ZFHX3: variants seen among roughly 807,000 people sequenced by gnomAD.
ZFHX3 encodes the protein zinc finger homeobox protein 3.
Under a neutral mutation model 279.1 loss-of-function variants are expected in ZFHX3, and 42 were observed. The observed-to-expected ratio is 0.15, with a 90% CI of 0.12 to 0.19. ZFHX3 has a LOEUF of 0.19. Among genes scored for constraint, ZFHX3 ranks in the 10% least tolerant of loss-of-function variants. The probability of loss-of-function intolerance (pLI) is 1.00; values close to 1 mark genes in which losing one functional copy is unlikely to be tolerated. For synonymous variants in ZFHX3, 2,293 were observed against 1,957.8 expected, an observed-to-expected ratio of 1.17 and a Z score of -4.52; for missense variants, 4,981 against 4,754.0, an observed-to-expected ratio of 1.05 and a Z score of -1.40.
At chr16:73,508,066 C>T (rs914042678) in intron 2 of ZFHX3, among the ~76,000 whole-genome samples, 2 of 152,140 alleles carry the variant, frequency 1.3e-5, no homozygotes, top group Non-Finnish European at 2.9e-5. Context: ...CTCATTGATC[C>T]TATTAGCAAA....
intron 3 of ZFHX3, among the ~76,000 whole-genome samples, chr16:72,948,256 G>A (rs973047925): frequency 1.3e-5 from 2 of 152,164 alleles, no homozygotes; most frequent in African/African-American, 2.4e-5. Flanking sequence ...TGGTCACTCC[G>A]GGGATGTGCC....
In ZFHX3 at chr16:72,959,995, C is replaced by A. The variant is rs376506658; in HGVS notation, c.151G>T (p.Asp51Tyr). The A allele has an allele frequency of 4.9e-5, 79 of 1,613,764 alleles. No individual in the cohort carries two copies. In the South Asian group the frequency reaches 8.6e-4, roughly 17 times the overall value. ...TCATTGAAGGGGGCCCTCAGGCTGT[C>A]CAAGGGCCCGTGGCTCTCGCCTGTG... ...QSTGESHGPL[D>Y]SLRAPFNERL... is the part of the protein sequence containing the mutation. Residue 51 changes from aspartate to tyrosine, a missense_variant, in exon 2 of 10, where the codon GAC becomes TAC. Coordinates refer to ENST00000268489, the MANE Select transcript of ZFHX3 (RefSeq NM_006885.4).
At chr16:73,329,129 T>C (rs2143220298) in intron 3 of ZFHX3, among the ~76,000 whole-genome samples, 1 of 152,376 alleles carries the variant, frequency 6.6e-6, no homozygotes, top group Middle Eastern at 3.4e-3. Context: ...AAACAAAACC[T>C]TTCCAAAGGG....
At chr16:73,244,916 C>T (rs1333384206) in intron 5 of ZFHX3, among the ~76,000 whole-genome samples, 1 of 152,124 alleles carries the variant, frequency 6.6e-6, no homozygotes, top group Non-Finnish European at 1.5e-5. Flanking sequence ...GTTCACTCCC[C>T]AGAGTACCTG....
chr16:73,014,302 ATT>A (rs111944167), intron 1 of ZFHX3: 142 of 140,838 alleles, frequency 1.0e-3, no homozygotes, highest in Non-Finnish European at 1.1e-3. Flanking sequence ...GGTTTTTTGC[ATT>A]TTTTTTTTTT....
At chr16:73,876,939 T>C (rs1423180278) in intron 1 of ZFHX3, among the ~76,000 whole-genome samples, 2 of 151,878 alleles carry the variant, frequency 1.3e-5, no homozygotes, top group African/African-American at 4.8e-5. Flanking sequence ...ACATCTTAAA[T>C]ATTGTGAAGC....
At chr16:72,869,816 A>G (rs1036709431) in intron 4 of ZFHX3, among the ~76,000 whole-genome samples, 1 of 152,238 alleles carries the variant, frequency 6.6e-6, no homozygotes, top group African/African-American at 2.4e-5. Context: ...ATTAATTACA[A>G]AGGGAAAAAT....
intron 1 of ZFHX3, among the ~76,000 whole-genome samples, chr16:73,740,079 C>G (rs193176497): frequency 4.6e-5 from 7 of 152,230 alleles, no homozygotes; most frequent in Non-Finnish European, 4.4e-5. Context: ...CATGCCAGCC[C>G]GGTTCCTTGC....
At position 72,960,124 on chromosome 16, in the gene ZFHX3, C is replaced by T. The variant is rs762496214; in HGVS notation, c.22G>A (p.Val8Ile). ...CACCCATTGTCCTTCCCCGAGACGA[C>T]GGGCGAGTCACAGCCTTCCATGGTA... MEGCDSP[V>I]VSGKDNGCGI... is the part of the protein sequence containing the mutation. The change falls in exon 2 of 10, where the codon GTC becomes ATC. Residue 8 changes from valine (V) to isoleucine (I), a missense_variant. By Grantham distance (29) the Val-to-Ile change is conservative (BLOSUM62 3). Around this residue, in one of 7 missense-constraint regions of ZFHX3, gnomAD observed 1,068 missense variants for 935.2 expected, o/e 1.14. Transcript: ENST00000268489. 18 of 1,585,576 alleles carry T rather than the reference C, an allele frequency of 1.1e-5. No homozygotes were observed. Among genetic ancestry groups the T allele is most frequent in the African/African-American group, 4.0e-5 (3 of 74,184 alleles).
chr16:73,278,768 TAC>T (rs1387746504), intron 4 of ZFHX3, among the ~76,000 whole-genome samples: 2 of 152,208 alleles, frequency 1.3e-5, no homozygotes, highest in African/African-American at 2.4e-5. Context: ...AGGTGCGTTT[TAC>T]AGAGTGCTGA....
At chr16:73,306,632 AT>A (rs2015187263) in intron 4 of ZFHX3, among the ~76,000 whole-genome samples, 3 of 152,038 alleles carry the variant, frequency 2.0e-5, no homozygotes, top group African/African-American at 7.2e-5. Context: ...CCGCATGAAT[AT>A]TTTTCATGCC....
At chr16:72,901,858 T>C (rs1292184057) in intron 3 of ZFHX3, among the ~76,000 whole-genome samples, 4 of 152,094 alleles carry the variant, frequency 2.6e-5, no homozygotes, top group Admixed American at 2.0e-4. Context: ...GCTTTTGGGT[T>C]CCCCCATAAA....
chr16:73,120,439 A>T (rs1966481823), intron 7 of ZFHX3, among the ~76,000 whole-genome samples: 1 of 151,350 alleles, frequency 6.6e-6, no homozygotes, highest in South Asian at 2.1e-4. Context: ...TTAATTTTTC[A>T]TATTTTTATT....
At chr16:72,963,110 C>T (rs184072300) in intron 1 of ZFHX3, among the ~76,000 whole-genome samples, 260 of 152,290 alleles carry the variant, frequency 1.7e-3, no homozygotes, top group African/African-American at 6.1e-3. Context: ...CAATGATCTT[C>T]AGTTACAGAG....
At chr16:73,211,850 G>T (rs936633705) in intron 5 of ZFHX3, among the ~76,000 whole-genome samples, 2 of 152,158 alleles carry the variant, frequency 1.3e-5, no homozygotes, top group East Asian at 3.9e-4. Context: ...AGGGAGGGGG[G>T]TGGCAAGTGA....
intron 1 of ZFHX3, among the ~76,000 whole-genome samples, chr16:73,698,993 TCCTG>T (rs1389588345): frequency 6.6e-6 from 1 of 152,144 alleles, no homozygotes; most frequent in African/African-American, 2.4e-5. Flanking sequence ...CAAGCAATTC[TCCTG>T]CCTCAGCCTC....
chr16:73,198,832 C>A (rs1013804970), intron 5 of ZFHX3, among the ~76,000 whole-genome samples: 1 of 152,226 alleles, frequency 6.6e-6, no homozygotes, highest in Non-Finnish European at 1.5e-5. Context: ...GCACTGGATT[C>A]TTTCCCCCAA....
intron 9 of ZFHX3, chr16:72,791,431 T>C (rs1372944270): frequency 6.6e-6 from 1 of 152,180 alleles, no homozygotes; most frequent in African/African-American, 2.4e-5. Flanking sequence ...AGAACTTGAG[T>C]AGCACTAAAC....
intron 1 of ZFHX3, among the ~76,000 whole-genome samples, chr16:73,814,105 G>A (rs140812311): frequency 3.9e-5 from 6 of 152,330 alleles, no homozygotes; most frequent in Non-Finnish European, 4.4e-5. Flanking sequence ...TATAATTGCA[G>A]AGAGAGCAGT....
Sources: gnomAD v4.1 joint callset for allele counts (sites outside exome capture counted in the v4.1 genomes callset) on GRCh38, gnomAD v4.1.1 for gene constraint, gnomAD v4.1.1 regional missense constraint, MANE v1.5 for transcripts, NCBI Gene and HGNC (gene_info 2026-07-23, HGNC 2026-07-21) for gene names.